Variants in NCR1 observed in about 807,000 individuals in gnomAD.
The protein encoded by NCR1 is NK cell-activating receptor.
A neutral mutation model predicts 32.5 loss-of-function variants in NCR1; 30 were observed. The observed-to-expected ratio is 0.92, with a 90% CI of 0.69 to 1.25. The LOEUF (loss-of-function observed/expected upper bound fraction) is 1.25, where lower values mean the gene tolerates loss of function less well. Ranked by LOEUF, NCR1 falls within the 50% of genes most tolerant of loss-of-function variation. The probability of loss-of-function intolerance (pLI) is 0.00; values close to 1 mark genes in which losing one functional copy is unlikely to be tolerated. For missense variants in NCR1, 369 were observed against 380.7 expected (o/e 0.97, Z 0.26); for synonymous variants, 169 against 143.4 (o/e 1.18, Z -1.28).
In NCR1 at chr19:54,906,172, C is replaced by A; in HGVS notation, c.-16C>A. On this transcript the variant is annotated 5_prime_UTR_variant, in exon 1 of 7. Transcript: ENST00000291890. ...CAGTCCCCACTGCTCAGCACTAGGC[C>A]GGCAGAATCTGAGCGATGTCTTCCA... The A allele has an allele frequency of 6.2e-7, 1 of 1,614,108 alleles. No homozygotes were observed. The highest frequency in any genetic ancestry group is 1.1e-5 in the South Asian group (1 of 91,086).
downstream of NCR1, among the ~76,000 whole-genome samples, chr19:54,916,702 A>ATTTTTTT (rs35842513): frequency 6.5e-4 from 33 of 50,476 alleles, no homozygotes; most frequent in South Asian, 1.8e-3. Context: ...CAACTGTTCT[A>ATTTTTTT]TTTTTTTTTT....
chr19:54,903,499 T>C (rs186702507), upstream of NCR1, among the ~76,000 whole-genome samples: 304 of 138,412 alleles, frequency 2.2e-3, 15 homozygotes, highest in Admixed American at 7.9e-3. Flanking sequence ...TACATATATG[T>C]ATGTATACAC....
At chr19:54,918,070 G>C (rs1487434033), downstream of NCR1, among the ~76,000 whole-genome samples, 3 of 150,534 alleles carry the variant, frequency 2.0e-5, no homozygotes, top group Non-Finnish European at 4.4e-5. Flanking sequence ...CATTCTCCTG[G>C]GACTACAGGC....
the NCR1 span, chr19:54,924,013 G>T: frequency 2.2e-6 from 2 of 898,792 alleles, no homozygotes; most frequent in Non-Finnish European, 3.5e-6. Flanking sequence ...TGTTGCCCAG[G>T]CTGGGGTACA....
At chr19:54,935,830 T>C in the NCR1 span, among the ~76,000 whole-genome samples, 4 of 152,078 alleles carry the variant, frequency 2.6e-5, no homozygotes, top group African/African-American at 9.7e-5. Context: ...ATGCACTCCA[T>C]AGGATCAGGC....
chr19:54,930,503 G>T, the NCR1 span: 85 of 1,602,534 alleles, frequency 5.3e-5, no homozygotes, highest in African/African-American at 1.1e-3. Context: ...GCCTACCGTA[G>T]GTGTTTTAGG....
At chr19:54,917,698 G>T (rs1235664799), downstream of NCR1, among the ~76,000 whole-genome samples, 1 of 152,086 alleles carries the variant, frequency 6.6e-6, no homozygotes, top group East Asian at 1.9e-4. Context: ...CAATGCCCAT[G>T]GTAATTTTTA....
the NCR1 span, among the ~76,000 whole-genome samples, chr19:54,922,885 CAG>C: frequency 6.7e-6 from 1 of 149,398 alleles, no homozygotes. Flanking sequence ...CAGACAGACA[CAG>C]AGACACACAC....
chr19:54,916,170 C>T (rs1419810171), downstream of NCR1: 4 of 151,920 alleles, frequency 2.6e-5, no homozygotes, highest in Admixed American at 2.0e-4. Flanking sequence ...ATTCTTTGTT[C>T]GAAACACCAA....
At chr19:54,910,176 C>T in intron 5 of NCR1, 111 bp downstream of exon 5, 1 of 1,063,496 alleles carries the variant, frequency 9.4e-7, no homozygotes, top group Non-Finnish European at 1.4e-6. Flanking sequence ...GTGGCTCACG[C>T]CTGTAATCCC....
the NCR1 span, among the ~76,000 whole-genome samples, chr19:54,928,707 A>C: frequency 2.0e-5 from 3 of 152,148 alleles, no homozygotes; most frequent in Admixed American, 1.3e-4. Flanking sequence ...GAATCTTGTA[A>C]ATAAAATACT....
In NCR1 at chr19:54,912,862, G is replaced by A. The variant is rs373970472; in HGVS notation, c.906G>A (p.Gln302=). 6.8e-6 allele frequency: 11 copies of A among 1,613,222 alleles called. No individual in the cohort carries two copies. The African/African-American group carries it at 1.5e-4, about 22-fold the overall frequency. The change falls in exon 7 of 7, where the codon CAG becomes CAA. Residue 302 remains glutamine (Q), a synonymous_variant. Coordinates refer to ENST00000291890, the MANE Select transcript of NCR1 (RefSeq NM_004829.7). The stretch of plus-strand genomic sequence containing the variant: ...AAGGCAGGAGAAGGCTGAACACACA[G>A]ACTCTTTGAAGAATGACCATGAGAC... ...TWEGRRRLNT[Q]TL
the NCR1 span, chr19:54,927,591 CAAAA>C: frequency 6.2e-7 from 1 of 1,612,532 alleles, no homozygotes; most frequent in African/African-American, 1.3e-5. Context: ...CAAAACAAAA[CAAAA>C]AACCCATACC....
chr19:54,927,835 T>A, the NCR1 span: 1 of 1,473,972 alleles, frequency 6.8e-7, no homozygotes, highest in Non-Finnish European at 9.5e-7. Context: ...CTCAAGCGTG[T>A]AATCCCAACA....
the NCR1 span, among the ~76,000 whole-genome samples, chr19:54,930,278 G>A: frequency 3.3e-5 from 5 of 151,720 alleles, no homozygotes; most frequent in Admixed American, 3.3e-4. Flanking sequence ...ACCAGCCCGG[G>A]AAAGATGACA....
chr19:54,927,564 AAAAACAAAAAAC>A, the NCR1 span: 2 of 1,555,040 alleles, frequency 1.3e-6, no homozygotes, highest in Non-Finnish European at 1.7e-6. Context: ...TCAAAAAAAC[AAAAACAAAAAAC>A]AAAACAAAAC....
the NCR1 span, among the ~76,000 whole-genome samples, chr19:54,928,025 C>T: frequency 2.0e-5 from 3 of 152,150 alleles, no homozygotes; most frequent in African/African-American, 4.8e-5. Flanking sequence ...GTCAGGAGTT[C>T]GAGACCAGCC....
At chr19:54,938,103 A>G in the NCR1 span, 15 of 1,613,980 alleles carry the variant, frequency 9.3e-6, no homozygotes, top group Non-Finnish European at 8.5e-6. Flanking sequence ...TCCGCACAGA[A>G]GAGTCACTCA....
chr19:54,934,264 A>G, the NCR1 span, among the ~76,000 whole-genome samples: 3 of 152,078 alleles, frequency 2.0e-5, no homozygotes, highest in Non-Finnish European at 2.9e-5. The surrounding 1 kb of genome is among the most constrained non-coding windows in gnomAD (Gnocchi z 6.7). Flanking sequence ...TTTAATAGAA[A>G]CAGGGTTTCA....
Sources: gnomAD v4.1 joint callset for allele counts (sites outside exome capture counted in the v4.1 genomes callset) on GRCh38, gnomAD v4.1.1 for gene constraint, Gnocchi (gnomAD v3.1) non-coding constraint, MANE v1.5 for transcripts, NCBI Gene and HGNC (gene_info 2026-07-23, HGNC 2026-07-21) for gene names.